Variants in KIAA1958 observed in about 807,000 individuals in gnomAD.
KIAA1958 encodes KIAA1958.
Under a neutral mutation model 47.2 loss-of-function variants are expected in KIAA1958, and 14 were observed. That is an observed-to-expected ratio of 0.30 (90% CI 0.20 to 0.46). The LOEUF is 0.46. KIAA1958 is among the 20% of genes least tolerant of loss of function. The pLI is 1.00. For synonymous variants in KIAA1958, 354 were observed against 353.3 expected, an observed-to-expected ratio of 1.00 and a Z score of -0.02; for missense variants, 803 against 909.2, an observed-to-expected ratio of 0.88 and a Z score of 1.50.
At chr9:112,524,613 A>G (rs547262888) in intron 1 of KIAA1958, among the ~76,000 whole-genome samples, 16 of 152,320 alleles carry the variant, frequency 1.1e-4, no homozygotes, top group African/African-American at 3.8e-4. Flanking sequence ...TGACTAGTGC[A>G]GTGTTATCCA....
At chr9:112,589,035 C>T (rs1459201583) in intron 2 of KIAA1958, among the ~76,000 whole-genome samples, 1 of 152,088 alleles carries the variant, frequency 6.6e-6, no homozygotes, top group Non-Finnish European at 1.5e-5. Context: ...CCACCTCAGC[C>T]TCCCAGAGCG....
At chr9:112,516,393 C>G (rs1172101240) in intron 1 of KIAA1958, among the ~76,000 whole-genome samples, 1 of 151,974 alleles carries the variant, frequency 6.6e-6, no homozygotes, top group African/African-American at 2.4e-5. Context: ...AGCGATAAAG[C>G]TAATAAAATA....
intron 1 of KIAA1958, among the ~76,000 whole-genome samples, chr9:112,563,873 C>G (rs181369520): frequency 6.6e-6 from 1 of 152,136 alleles, no homozygotes; most frequent in East Asian, 1.9e-4. Flanking sequence ...TGTACAGATG[C>G]TCTTTATCAG....
rs912056567 is a variant in KIAA1958 at position 112,629,289 on chromosome 9, A to T, written c.1172-16361A>T. On this transcript the variant is annotated intron_variant, in intron 2 of 3. Transcript: ENST00000337530. ...AAAACTATAGTAGTGTTCTTTGAGG[A>T]TGCATTTACTTTTCCCCAAATTTGA... Among the ~76,000 whole-genome samples, 6 of 152,310 alleles carry T rather than the reference A, an allele frequency of 3.9e-5. 1 individual carries two copies. In the East Asian group the frequency reaches 9.6e-4, roughly 24 times the overall value.
intron 1 of KIAA1958, among the ~76,000 whole-genome samples, chr9:112,543,226 GTTGTTTGT>G (rs61382078): frequency 4.0e-5 from 6 of 150,886 alleles, no homozygotes; most frequent in African/African-American, 7.3e-5. Context: ...TTTTGTTGTT[GTTGTTTGT>G]TTGTTTGTTT....
At chr9:112,623,951 G>A (rs1050091052) in intron 2 of KIAA1958, among the ~76,000 whole-genome samples, 1 of 152,094 alleles carries the variant, frequency 6.6e-6, no homozygotes, top group Non-Finnish European at 1.5e-5. Context: ...ATCTTAATCA[G>A]CCCTCTTCTG....
chr9:112,517,279 A>G (rs1394489360), intron 1 of KIAA1958, among the ~76,000 whole-genome samples: 1 of 152,256 alleles, frequency 6.6e-6, no homozygotes, highest in African/African-American at 2.4e-5. Flanking sequence ...GTGACAAGGT[A>G]TTCAGTGGAA....
At chr9:112,585,778 C>T (rs897710337) in intron 2 of KIAA1958, among the ~76,000 whole-genome samples, 1 of 152,178 alleles carries the variant, frequency 6.6e-6, no homozygotes, top group Non-Finnish European at 1.5e-5. Context: ...CACACATATT[C>T]CCTGTCCAAA....
At chr9:112,653,292 G>A (rs1231360729) in intron 3 of KIAA1958, among the ~76,000 whole-genome samples, 1 of 152,168 alleles carries the variant, frequency 6.6e-6, no homozygotes, top group Non-Finnish European at 1.5e-5. Context: ...CGATGAAGCT[G>A]GAAAATAGAG....
chr9:112,549,284 A>G (rs1835097902), intron 1 of KIAA1958, among the ~76,000 whole-genome samples: 1 of 152,148 alleles, frequency 6.6e-6, no homozygotes. Flanking sequence ...CCATATCCTC[A>G]TTTCTCTTTC....
chr9:112,523,066 G>A (rs758378780), intron 1 of KIAA1958, among the ~76,000 whole-genome samples: 2 of 152,206 alleles, frequency 1.3e-5, no homozygotes, highest in Non-Finnish European at 2.9e-5. Flanking sequence ...AGCACAGCTA[G>A]ATACCATCAT....
chr9:112,630,867 A>T lies in KIAA1958; in HGVS notation c.1172-14783A>T, dbSNP rs571047499. On this transcript the variant is annotated intron_variant, in intron 2 of 3. Coordinates refer to ENST00000337530, the MANE Select transcript of KIAA1958 (RefSeq NM_133465.4). The stretch of plus-strand genomic sequence containing the variant: ...GAAACAATGACCGTATTTTTGTATG[A>T]TGATAGATTATATAAAATTACAGGT... 2.8e-4 allele frequency among the ~76,000 whole-genome samples: 43 copies of T among 152,326 alleles called. 1 individual carries two copies. The highest frequency in any genetic ancestry group is 5.2e-4 in the Admixed American group (8 of 15,290).
intron 2 of KIAA1958, among the ~76,000 whole-genome samples, chr9:112,594,950 G>C (rs1490482050): frequency 1.3e-5 from 2 of 151,962 alleles, no homozygotes; most frequent in Admixed American, 6.6e-5. Flanking sequence ...ACCTCATTGT[G>C]GTTTTAATTT....
At chr9:112,609,942 G>A (rs1027059481) in intron 2 of KIAA1958, among the ~76,000 whole-genome samples, 2 of 152,142 alleles carry the variant, frequency 1.3e-5, no homozygotes, top group Non-Finnish European at 2.9e-5. Context: ...TTCTTCCACA[G>A]TGCATTACCT....
rs1834639666 is a variant in KIAA1958, at chr9:112,525,985, TTCTTCTTCTTC to T, written c.-25+38869_-25+38879del. On this transcript the variant is annotated intron_variant, in intron 1 of 3. Transcript: ENST00000337530. ...CTTCTTCTTCTTCTTCTTCTTCTTCTTCTTCTTCTTCTTCTTTTTTTTTTTAAAGAGATGGG... is the reference window on the plus strand; with the variant it reads ...CTTCTTCTTCTTCTTCTTCTTCTTCTTTCTTTTTTTTTTTAAAGAGATGGG... Among the ~76,000 whole-genome samples the T allele has an allele frequency of 9.9e-4, 2 of 2,028 alleles. 1 individual carries two copies. Among genetic ancestry groups the T allele is most frequent in the Non-Finnish European group, 1.8e-3 (2 of 1,104 alleles). The allele number at this position is 2,028 out of a possible 152,430, so 1.3% of individuals were successfully genotyped here.
intron 2 of KIAA1958, among the ~76,000 whole-genome samples, chr9:112,636,224 C>T (rs927826392): frequency 6.6e-6 from 1 of 150,680 alleles, no homozygotes; most frequent in Non-Finnish European, 1.5e-5. Context: ...TAATTGATTT[C>T]CATTTTATTC....
rs1009191693 is a variant in KIAA1958, at chr9:112,534,086, C to T, written c.-24-39971C>T. ...TAGCTCTGTAACCTTAGGCAAGTTA[C>T]TTAACCTCTTTGTGCCTTCATTTCC... On this transcript the variant is annotated intron_variant, in intron 1 of 3. Transcript: ENST00000337530. Among the ~76,000 whole-genome samples, 10 of 152,226 alleles carry T rather than the reference C, an allele frequency of 6.6e-5. No homozygotes were observed. The East Asian group carries it at 1.7e-3, about 26-fold the overall frequency.
At chr9:112,533,109 A>G (rs372249460) in intron 1 of KIAA1958, among the ~76,000 whole-genome samples, 1 of 152,100 alleles carries the variant, frequency 6.6e-6, no homozygotes, top group African/African-American at 2.4e-5. Flanking sequence ...GTGTGTATCT[A>G]TGTATAATCT....
chr9:112,646,464 G>C (rs1022284049), intron 3 of KIAA1958, among the ~76,000 whole-genome samples: 4 of 152,234 alleles, frequency 2.6e-5, no homozygotes, highest in African/African-American at 9.6e-5. Flanking sequence ...GTTTGAGAGA[G>C]AAGAAACATA....
Sources: allele counts gnomAD v4.1 joint callset (sites outside exome capture counted in the v4.1 genomes callset), GRCh38; gene constraint gnomAD v4.1.1; transcripts MANE v1.5; gene names NCBI Gene and HGNC (gene_info 2026-07-23, HGNC 2026-07-21).